The following TMTC2 variants were observed in gnomAD, a reference collection of about 807,000 sequenced individuals.
The protein encoded by TMTC2 is protein O-mannosyl-transferase TMTC2.
Under a neutral mutation model 82.4 loss-of-function variants are expected in TMTC2, and 43 were observed. The observed-to-expected ratio is 0.52, with a 90% CI of 0.41 to 0.67. The LOEUF is 0.67. Among genes scored for constraint, TMTC2 ranks in the 30% least tolerant of loss-of-function variants. The probability of loss-of-function intolerance (pLI) is 0.00; values close to 1 mark genes in which losing one functional copy is unlikely to be tolerated. For missense variants in TMTC2, 919 were observed against 1,012.4 expected, an observed-to-expected ratio of 0.91 and a Z score of 1.25; for synonymous variants, 408 against 381.9, an observed-to-expected ratio of 1.07 and a Z score of -0.80.
At chr12:82,950,860 G>A (rs1019747925) in intron 4 of TMTC2, among the ~76,000 whole-genome samples, 2 of 152,056 alleles carry the variant, frequency 1.3e-5, no homozygotes, top group African/African-American at 2.4e-5. Flanking sequence ...AAAGAATAAC[G>A]TTTTTGGCAA....
At chr12:82,715,353 A>G (rs974472946) in intron 1 of TMTC2, among the ~76,000 whole-genome samples, 1 of 152,078 alleles carries the variant, frequency 6.6e-6, no homozygotes, top group Non-Finnish European at 1.5e-5. Context: ...TGACACCACC[A>G]TGCAGTGAGA....
In TMTC2 at chr12:82,930,459, G is replaced by C; in HGVS notation, c.1512G>C (p.Lys504Asn). ...KAWGNLGNVL[K>N]SQSKISEAES... ...GGGGTAACCTTGGAAATGTTCTGAA[G>C]AGTCAGAGCAAAATTTCTGAAGCTG... is the stretch of plus-strand genomic sequence containing the variant. The change falls in exon 4 of 12, where the codon AAG (lysine) becomes AAC (asparagine). Residue 504 changes from lysine (K) to asparagine (N), a missense_variant. By Grantham distance (94) the Lys-to-Asn change is moderately conservative. Coordinates refer to ENST00000321196, the MANE Select transcript of TMTC2 (RefSeq NM_152588.3). 1 of 1,603,402 alleles carries C rather than the reference G, an allele frequency of 6.2e-7. No homozygotes were observed. The highest frequency in any genetic ancestry group is 8.5e-7 in the Non-Finnish European group (1 of 1,172,200).
At chr12:82,852,101 CTTTTT>C (rs11301265) in intron 1 of TMTC2, among the ~76,000 whole-genome samples, 3 of 137,146 alleles carry the variant, frequency 2.2e-5, no homozygotes, top group Non-Finnish European at 3.1e-5. Flanking sequence ...CAGAAACTAT[CTTTTT>C]TTTTTTTTTT....
chr12:82,732,387 G>C (rs925418618), intron 1 of TMTC2, among the ~76,000 whole-genome samples: 2 of 151,900 alleles, frequency 1.3e-5, no homozygotes, highest in African/African-American at 4.8e-5. Context: ...CTGTCGCCCA[G>C]GCTGGAGTGC....
chr12:82,697,283 G>T (rs1872853927), intron 1 of TMTC2, among the ~76,000 whole-genome samples: 1 of 145,430 alleles, frequency 6.9e-6, no homozygotes, highest in African/African-American at 2.6e-5. Context: ...AGCAGAGAAT[G>T]CAGTAGGCCA....
At chr12:82,913,058 A>G (rs766597604) in intron 3 of TMTC2, among the ~76,000 whole-genome samples, 1 of 152,102 alleles carries the variant, frequency 6.6e-6, no homozygotes, top group African/African-American at 2.4e-5. Flanking sequence ...TATTACGATT[A>G]CTGTACAAAC....
chr12:82,846,233 G>T (rs185619266), intron 1 of TMTC2, among the ~76,000 whole-genome samples: 1 of 151,850 alleles, frequency 6.6e-6, no homozygotes, highest in Non-Finnish European at 1.5e-5. Flanking sequence ...TGGCGCACAC[G>T]TATAGTCCCA....
chr12:82,937,752 A>G (rs371468679), intron 4 of TMTC2, among the ~76,000 whole-genome samples: 47,644 of 76,366 alleles, frequency 0.62, 11,466 homozygotes, highest in South Asian at 0.74. Context: ...GTGTGTGTGT[A>G]TATATATATA....
chr12:82,921,215 T>C (rs977779711), intron 3 of TMTC2, among the ~76,000 whole-genome samples: 1 of 152,144 alleles, frequency 6.6e-6, no homozygotes, highest in African/African-American at 2.4e-5. Context: ...TATTCTACCT[T>C]CTATTCAAAC....
At chr12:82,896,844 A>G (rs1468884137) in intron 3 of TMTC2, among the ~76,000 whole-genome samples, 198 bp downstream of exon 3, 3 of 152,148 alleles carry the variant, frequency 2.0e-5, no homozygotes, top group African/African-American at 7.2e-5. Flanking sequence ...CCTTACTTGG[A>G]ATAAGAAAAT....
chr12:82,985,660 T>C (rs923087792), intron 7 of TMTC2, among the ~76,000 whole-genome samples: 1 of 152,198 alleles, frequency 6.6e-6, no homozygotes, highest in Non-Finnish European at 1.5e-5. Context: ...GGGAATCAGA[T>C]GTTCTATGTT....
At chr12:82,981,380 A>G (rs1417968417) in intron 7 of TMTC2, among the ~76,000 whole-genome samples, 3 of 151,848 alleles carry the variant, frequency 2.0e-5, no homozygotes, top group Admixed American at 2.0e-4. Context: ...TGCCTGGGTT[A>G]TTTAGACCTG....
chr12:82,961,987 G>A lies in TMTC2; in HGVS notation c.1599-3037G>A, dbSNP rs118032605. Among the ~76,000 whole-genome samples the A allele has an allele frequency of 5.6e-3, 847 of 152,100 alleles. 2 individuals are homozygous for A. The highest frequency in any genetic ancestry group is 8.3e-3 in the Non-Finnish European group (564 of 67,950). ...ACTTTATTCAGATTATGTAGAGGAC[G>A]ATGATATTCTAATTCAAAGACTCAC... On this transcript the variant is annotated intron_variant, in intron 4 of 11. Coordinates refer to ENST00000321196, the MANE Select transcript of TMTC2 (RefSeq NM_152588.3).
chr12:82,735,609 T>G (rs1875069315), intron 1 of TMTC2, among the ~76,000 whole-genome samples: 1 of 151,598 alleles, frequency 6.6e-6, no homozygotes, highest in Non-Finnish European at 1.5e-5. Flanking sequence ...CCTCCCAAAG[T>G]GCTGGGATTA....
intron 4 of TMTC2, among the ~76,000 whole-genome samples, chr12:82,957,564 TA>T (rs1026377563): frequency 1.4e-4 from 22 of 151,826 alleles, no homozygotes; most frequent in Middle Eastern, 3.4e-3. Context: ...CCCCAAAATC[TA>T]AAAGAATCAA....
intron 1 of TMTC2, among the ~76,000 whole-genome samples, chr12:82,817,513 C>T (rs1049980820): frequency 6.6e-6 from 1 of 152,088 alleles, no homozygotes; most frequent in African/African-American, 2.4e-5. Context: ...GCCATTTCTG[C>T]TGTTAAAATC....
Position 82,765,694 on chromosome 12 carries a change from AAAC to A in TMTC2, c.83+78028_83+78030del, listed in dbSNP as rs375065431. Among the ~76,000 whole-genome samples the A allele has an allele frequency of 9.1e-5, 13 of 142,998 alleles. 2 individuals are homozygous for A. Among genetic ancestry groups the A allele is most frequent in the African/African-American group, 3.5e-4 (13 of 37,574 alleles). 93.8% of individuals were successfully genotyped at this position (142,998 alleles called of 152,430 possible). On this transcript the variant is annotated intron_variant, in intron 1 of 11. Coordinates refer to ENST00000321196, the MANE Select transcript of TMTC2 (RefSeq NM_152588.3). ...CATCTCGAAAAAACAAAACAAAACA[AAAC>A]AAAACAAACAAACAAACAAAAAAAA...
intron 10 of TMTC2, among the ~76,000 whole-genome samples, chr12:83,052,976 G>A (rs940278790): frequency 1.3e-5 from 2 of 152,148 alleles, no homozygotes; most frequent in African/African-American, 2.4e-5. Flanking sequence ...GGCAGTCTTC[G>A]TGAATGTTTT....
intron 1 of TMTC2, among the ~76,000 whole-genome samples, chr12:82,798,758 G>T (rs1164964365): frequency 7.2e-6 from 1 of 138,374 alleles, no homozygotes; most frequent in African/African-American, 2.8e-5. Flanking sequence ...ATTGAGCTGA[G>T]ATCACACCAC....
Sources: allele counts gnomAD v4.1 joint callset (sites outside exome capture counted in the v4.1 genomes callset), GRCh38; gene constraint gnomAD v4.1.1; transcripts MANE v1.5; gene names NCBI Gene and HGNC (gene_info 2026-07-23, HGNC 2026-07-21).